Variants in HTT observed in about 807,000 individuals in gnomAD.
The protein encoded by HTT is huntingtin, also known as huntington disease protein.
A neutral mutation model predicts 362.3 loss-of-function variants in HTT; 104 were observed. The observed-to-expected ratio is 0.29, with a 90% confidence interval of 0.24 to 0.34. The LOEUF is 0.34. Among genes scored for constraint, HTT ranks in the 10% least tolerant of loss-of-function variants. HTT has a pLI of 1.00. For synonymous variants in HTT, 1,577 were observed against 1,548.7 expected (o/e 1.02, Z -0.43); for missense variants, 3,301 against 3,928.6 (o/e 0.84, Z 4.27).
intron 40 of HTT, among the ~76,000 whole-genome samples, chr4:3,199,201 G>A (rs1026143353): frequency 6.6e-6 from 1 of 152,236 alleles, no homozygotes; most frequent in Non-Finnish European, 1.5e-5. Context: ...TGTGGAGGTC[G>A]ACAGTGAGAG....
intron 44 of HTT, 73 bp downstream of exon 44, chr4:3,207,056 T>A: frequency 1.4e-6 from 2 of 1,416,790 alleles, no homozygotes; most frequent in Non-Finnish European, 1.9e-6. Context: ...GGTGGCTGGC[T>A]TTTTCCTCCG....
At chr4:3,161,628 A>C (rs1356335982) in intron 29 of HTT, among the ~76,000 whole-genome samples, 1 of 152,170 alleles carries the variant, frequency 6.6e-6, no homozygotes, top group African/African-American at 2.4e-5. Context: ...CTGGCGTGAG[A>C]TGGTATCTCA....
At chr4:3,129,851 A>G in intron 12 of HTT, 73 bp from the exon 13 acceptor site, 1 of 1,576,206 alleles carries the variant, frequency 6.3e-7, no homozygotes, top group Non-Finnish European at 8.7e-7. Flanking sequence ...TCCTCATTGC[A>G]CTTCCATGTT....
chr4:3,158,184 A>G (rs1717252701), intron 28 of HTT, among the ~76,000 whole-genome samples: 1 of 152,096 alleles, frequency 6.6e-6, no homozygotes, highest in Non-Finnish European at 1.5e-5. Context: ...GGGTCTCCCT[A>G]AGTTGCCTGG....
intron 2 of HTT, among the ~76,000 whole-genome samples, chr4:3,097,707 T>C (rs760220870): frequency 2.0e-5 from 3 of 152,164 alleles, no homozygotes; most frequent in South Asian, 2.1e-4. Context: ...TGACAACTTA[T>C]AGATGAAATG....
At chr4:3,188,806 C>T (rs16844026) in intron 39 of HTT, 145 bp from the exon 40 acceptor site, 75,804 of 722,512 alleles carry the variant, frequency 0.1, 4,914 homozygotes, top group African/African-American at 0.25. Context: ...TCCACGGCGA[C>T]GGCGCTCTGC....
intron 50 of HTT, among the ~76,000 whole-genome samples, 195 bp from the exon 51 acceptor site, chr4:3,214,915 A>T (rs1267349321): frequency 6.6e-6 from 1 of 152,262 alleles, no homozygotes; most frequent in Non-Finnish European, 1.5e-5. Context: ...TCAAATCTTC[A>T]GACATATACC....
At chr4:3,231,977 T>A (rs538126808) in intron 60 of HTT, among the ~76,000 whole-genome samples, 1 of 152,312 alleles carries the variant, frequency 6.6e-6, no homozygotes, top group East Asian at 1.9e-4. Flanking sequence ...CCATCCTCTG[T>A]GAAGGTTTTC....
intron 4 of HTT, 60 bp from the exon 5 acceptor site, chr4:3,105,297 T>C: frequency 1.8e-6 from 2 of 1,127,704 alleles, no homozygotes. Flanking sequence ...TTCGTTTCTA[T>C]GCAACCCTCT....
intron 41 of HTT, among the ~76,000 whole-genome samples, chr4:3,202,490 C>T (rs890444604): frequency 1.3e-5 from 2 of 152,142 alleles, no homozygotes; most frequent in Non-Finnish European, 2.9e-5. Context: ...GGGCACGTTT[C>T]CTGTTCGTTA....
intron 29 of HTT, among the ~76,000 whole-genome samples, chr4:3,168,396 C>T (rs1310253393): frequency 1.3e-5 from 2 of 152,188 alleles, no homozygotes; most frequent in Non-Finnish European, 2.9e-5. Flanking sequence ...TTTCTTCAGA[C>T]TTCTGTGAGT....
At chr4:3,187,402 G>T (rs569553527) in intron 38 of HTT, among the ~76,000 whole-genome samples, 1 of 151,994 alleles carries the variant, frequency 6.6e-6, no homozygotes, top group African/African-American at 2.4e-5. Flanking sequence ...TGATCCGCCC[G>T]CCTCGGCCTC....
At chr4:3,208,962 G>C (rs1720005064) in intron 46 of HTT, 51 bp downstream of exon 46, 1 of 1,557,326 alleles carries the variant, frequency 6.4e-7, no homozygotes, top group Middle Eastern at 1.7e-4. Context: ...GAGTGCCTCT[G>C]TCACCTGTGG....
chr4:3,129,109 A>T (rs1439413171), intron 12 of HTT: 1 of 152,260 alleles, frequency 6.6e-6, no homozygotes, highest in South Asian at 2.1e-4. Context: ...CAGGCCAAAT[A>T]CTATTCCATT....
intron 29 of HTT, among the ~76,000 whole-genome samples, chr4:3,162,116 G>A (rs1412064664): frequency 1.3e-5 from 2 of 152,080 alleles, no homozygotes; most frequent in Non-Finnish European, 2.9e-5. Context: ...ATAAGGAAGG[G>A]GTCCAGTTTC....
chr4:3,210,075 A>G (rs1720078999), intron 47 of HTT, 126 bp downstream of exon 47: 3 of 1,229,444 alleles, frequency 2.4e-6, no homozygotes, highest in Non-Finnish European at 3.4e-6. Context: ...CTGGGCAGGG[A>G]CGGGATGTCG....
Position 3,240,601 on chromosome 4 carries a change from CTT to C in HTT, c.*545_*546del. The C allele has an allele frequency of 6.3e-6, 1 of 157,646 alleles. No homozygotes were observed. The highest frequency in any genetic ancestry group is 6.1e-5 in the Admixed American group (1 of 16,300). 9.8% of individuals were successfully genotyped at this position (157,646 alleles called of 1,614,324 possible). A position where few individuals can be genotyped will look rare whatever the true frequency, so the allele number is the denominator to read the frequency against. On this transcript the variant is annotated 3_prime_UTR_variant, in exon 67 of 67. Coordinates refer to ENST00000355072, the MANE Select transcript of HTT (RefSeq NM_001388492.1). ...CACCCGGCACCATTCTCCCTTCTCT[CTT>C]TTCTTCTCAGGATTTAAAATTTAAT...
At chr4:3,100,152 T>C (rs981165301) in intron 3 of HTT, among the ~76,000 whole-genome samples, 1 of 152,254 alleles carries the variant, frequency 6.6e-6, no homozygotes, top group Non-Finnish European at 1.5e-5. Flanking sequence ...CCCAAATTTC[T>C]ATGAGTCTCA....
At chr4:3,119,634 A>G (rs1264248918) in intron 8 of HTT, among the ~76,000 whole-genome samples, 2 of 152,198 alleles carry the variant, frequency 1.3e-5, no homozygotes, top group Non-Finnish European at 2.9e-5. Flanking sequence ...CTCAACTTCT[A>G]GGCAGAGAAC....
Sources: gnomAD v4.1 joint callset for allele counts (sites outside exome capture counted in the v4.1 genomes callset) on GRCh38, gnomAD v4.1.1 for gene constraint, MANE v1.5 for transcripts, NCBI Gene and HGNC (gene_info 2026-07-23, HGNC 2026-07-21) for gene names.